CATSPERD: variants seen among roughly 807,000 people sequenced by gnomAD.
CATSPERD encodes the protein catsper channel auxiliary subunit delta, also known as cation channel sperm-associated auxiliary subunit delta.
Under a neutral mutation model 98.1 loss-of-function variants are expected in CATSPERD, and 86 were observed. That is an observed-to-expected ratio of 0.88 (90% confidence interval 0.74 to 1.05). CATSPERD has a LOEUF of 1.05. Among genes scored for constraint, CATSPERD ranks in the 50% least tolerant of loss-of-function variants. The probability of loss-of-function intolerance (pLI) is 0.00; values close to 1 mark genes in which losing one functional copy is unlikely to be tolerated. For synonymous variants in CATSPERD, 394 were observed against 390.2 expected (o/e 1.01, Z -0.12); for missense variants, 995 against 1,005.7 (o/e 0.99, Z 0.14).
Position 5,729,801 on chromosome 19 carries a change from G to GT in CATSPERD, c.204-70dup, listed in dbSNP as rs2055678854. 3.4e-6 allele frequency: 3 copies of GT among 895,494 alleles called. No individual in the cohort carries two copies. The East Asian group carries it at 7.5e-5, about 22-fold the overall frequency. The allele number at this position is 895,494 out of a possible 1,614,324, so 55.5% of individuals were successfully genotyped here. A position where few individuals can be genotyped will look rare whatever the true frequency, so the allele number is the denominator to read the frequency against. On this transcript the variant is annotated intron_variant, in intron 3 of 21. Coordinates refer to ENST00000381624, the MANE Select transcript of CATSPERD (RefSeq NM_152784.4). ...TTTGTTTGAATGGAGACATTTTAGA[G>GT]TACCTCTATTGTCTTTTTTCTTTCC...
At chr19:5,738,234 C>T (rs1399412098) in intron 6 of CATSPERD, among the ~76,000 whole-genome samples, 12 of 151,362 alleles carry the variant, frequency 7.9e-5, no homozygotes, top group Non-Finnish European at 1.6e-4. Context: ...AGTGAAACCC[C>T]GTCTCTACTA....
At chr19:5,759,189 G>A (rs759257968) in intron 15 of CATSPERD, 45 bp downstream of exon 15, 2 of 1,568,278 alleles carry the variant, frequency 1.3e-6, no homozygotes, top group South Asian at 1.1e-5. Context: ...TGCCTACAGG[G>A]GTTTCCTTAG....
chr19:5,770,813 A>C (rs1016447581), intron 18 of CATSPERD, 131 bp from the exon 19 acceptor site: 2 of 1,085,608 alleles, frequency 1.8e-6, no homozygotes, highest in African/African-American at 3.2e-5. Context: ...TCAATCGCCC[A>C]CCTCAGATGC....
At chr19:5,735,695 G>T (rs954557369) in intron 5 of CATSPERD, among the ~76,000 whole-genome samples, 1 of 151,310 alleles carries the variant, frequency 6.6e-6, no homozygotes, top group Non-Finnish European at 1.5e-5. Flanking sequence ...GGATGATCTC[G>T]ATCTATTTAC....
chr19:5,772,893 G>A lies in CATSPERD; in HGVS notation c.1869G>A (p.Met623Ile). ...YSYSLTAQSA[M>I]CTSQPQNWTT... ...ATTCCCTGACGGCCCAGTCGGCCAT[G>A]TGTACCTCCCAGCCGCAGAACTGGA... The change falls in exon 20 of 22, where the codon ATG becomes ATA. Residue 623 changes from methionine (M) to isoleucine (I), a missense_variant. Met to Ile is a conservative substitution (Grantham distance 10). Around this residue, in one of 3 missense-constraint regions of CATSPERD, gnomAD observed 762 missense variants for 773.7 expected, o/e 0.98. Coordinates refer to ENST00000381624, the MANE Select transcript of CATSPERD (RefSeq NM_152784.4). The A allele has an allele frequency of 6.2e-7, 1 of 1,614,160 alleles. No homozygotes were observed. The highest frequency in any genetic ancestry group is 1.1e-5 in the South Asian group (1 of 91,088).
chr19:5,740,462 C>T (rs139552766), intron 7 of CATSPERD, among the ~76,000 whole-genome samples: 232 of 147,610 alleles, frequency 1.6e-3, no homozygotes, highest in African/African-American at 5.8e-3. Flanking sequence ...TGCCTCATGC[C>T]TGTAATCCCA....
chr19:5,758,974 A>C, intron 14 of CATSPERD, 112 bp from the exon 15 acceptor site: 1 of 804,528 alleles, frequency 1.2e-6, no homozygotes, highest in East Asian at 2.8e-5. Flanking sequence ...AGCGGCTTCC[A>C]GGTTCGTCCC....
chr19:5,733,347 T>C (rs113363845), intron 4 of CATSPERD, among the ~76,000 whole-genome samples: 46,698 of 134,116 alleles, frequency 0.35, 8,862 homozygotes, highest in Non-Finnish European at 0.42. Context: ...TTTCTTTCTT[T>C]CTTCCTTCCT....
At chr19:5,753,589 TC>T in intron 12 of CATSPERD, 1 of 356,880 alleles carries the variant, frequency 2.8e-6, no homozygotes, top group Non-Finnish European at 5.4e-6. Context: ...CAGAAAGAGG[TC>T]AGGCGCAGTG....
chr19:5,762,718 A>T (rs959565816), intron 15 of CATSPERD, among the ~76,000 whole-genome samples: 7 of 150,744 alleles, frequency 4.6e-5, no homozygotes, highest in Non-Finnish European at 8.9e-5. Flanking sequence ...AAGTGGGTAG[A>T]TGGATGAGTG....
intron 15 of CATSPERD, 68 bp downstream of exon 15, chr19:5,759,212 G>C (rs2056387144): frequency 7.0e-7 from 1 of 1,434,906 alleles, no homozygotes; most frequent in Non-Finnish European, 9.8e-7. Context: ...GGAGCGAAGA[G>C]AAGCAGGTCT....
intron 6 of CATSPERD, among the ~76,000 whole-genome samples, chr19:5,738,971 G>A (rs893147177): frequency 1.3e-5 from 2 of 151,250 alleles, no homozygotes; most frequent in Non-Finnish European, 2.9e-5. Context: ...CAACTGATCC[G>A]CCCGCCTCAG....
At chr19:5,732,665 G>C (rs555847028) in intron 4 of CATSPERD, among the ~76,000 whole-genome samples, 1 of 151,356 alleles carries the variant, frequency 6.6e-6, no homozygotes, top group Non-Finnish European at 1.5e-5. Flanking sequence ...GGTGTTTTTT[G>C]TTTTGTTTTG....
chr19:5,764,874 C>G (rs937994203), intron 16 of CATSPERD, among the ~76,000 whole-genome samples: 4 of 152,088 alleles, frequency 2.6e-5, no homozygotes, highest in African/African-American at 9.7e-5. Flanking sequence ...CTTGGCCTCC[C>G]AAAGTGCTGG....
chr19:5,753,484 C>A (rs1440275321), intron 12 of CATSPERD: 3 of 234,320 alleles, frequency 1.3e-5, no homozygotes, highest in Non-Finnish European at 2.7e-5. Context: ...ATGGCATGAA[C>A]CCCGGAGGCA....
intron 4 of CATSPERD, among the ~76,000 whole-genome samples, chr19:5,733,549 T>A (rs923519864): frequency 5.9e-5 from 9 of 151,692 alleles, no homozygotes; most frequent in African/African-American, 2.2e-4. Flanking sequence ...CTCCACCTCC[T>A]AGGATCAAGC....
intron 16 of CATSPERD, among the ~76,000 whole-genome samples, chr19:5,765,485 C>A (rs977608684): frequency 5.3e-5 from 8 of 151,940 alleles, no homozygotes; most frequent in Admixed American, 2.0e-4. Flanking sequence ...TTTCCCCATG[C>A]TCTCTGTGTA....
At chr19:5,756,202 A>G (rs543846299) in intron 13 of CATSPERD, among the ~76,000 whole-genome samples, 1 of 151,814 alleles carries the variant, frequency 6.6e-6, no homozygotes, top group East Asian at 1.9e-4. Context: ...AATCACTTGA[A>G]TCTGGGAGGT....
chr19:5,748,889 C>T (rs991844351), intron 10 of CATSPERD, among the ~76,000 whole-genome samples: 11 of 151,208 alleles, frequency 7.3e-5, no homozygotes, highest in African/African-American at 1.7e-4. Flanking sequence ...CCACCATGCC[C>T]GGCTCATTTT....
Sources: allele counts gnomAD v4.1 joint callset (sites outside exome capture counted in the v4.1 genomes callset), GRCh38; gene constraint gnomAD v4.1.1; regional missense constraint gnomAD v4.1.1; transcripts MANE v1.5; gene names NCBI Gene and HGNC (gene_info 2026-07-23, HGNC 2026-07-21).